The following TPD52L1 variants were observed in gnomAD, a reference collection of about 807,000 sequenced individuals.
TPD52L1 encodes the protein tumor protein D53.
A neutral mutation model predicts 28.7 loss-of-function variants in TPD52L1; 18 were observed. The ratio of observed to expected loss-of-function variants is 0.63; its 90% confidence interval spans 0.43 to 0.93. The LOEUF is 0.93. Among genes scored for constraint, TPD52L1 ranks in the 40% least tolerant of loss-of-function variants. The probability of loss-of-function intolerance (pLI) is 0.00; values close to 1 mark genes in which losing one functional copy is unlikely to be tolerated. For synonymous variants in TPD52L1, 75 were observed against 88.8 expected (o/e 0.84, Z 0.88); for missense variants, 203 against 254.8 (o/e 0.80, Z 1.39).
chr6:125,181,317 A>G (rs1488109111), intron 1 of TPD52L1, among the ~76,000 whole-genome samples: 1 of 152,202 alleles, frequency 6.6e-6, no homozygotes, highest in Non-Finnish European at 1.5e-5. Context: ...AGGAATAACC[A>G]AGAGAACTGA....
At chr6:125,208,029 G>A (rs1441933865) in intron 1 of TPD52L1, among the ~76,000 whole-genome samples, 1 of 152,196 alleles carries the variant, frequency 6.6e-6, no homozygotes, top group Non-Finnish European at 1.5e-5. Context: ...GCTGCTTCGA[G>A]AAAGTTCCTG....
intron 1 of TPD52L1, among the ~76,000 whole-genome samples, chr6:125,206,046 C>T (rs1431306180): frequency 2.0e-5 from 3 of 152,194 alleles, no homozygotes; most frequent in Non-Finnish European, 4.4e-5. Context: ...GCTACAACTT[C>T]AGAAGCATCT....
chr6:125,203,720 T>C lies in TPD52L1; in HGVS notation c.20-16358T>C, dbSNP rs900591149. ...GAGCAGCTCACTCTTTGGTTGAGAA[T>C]CCAGTTGGCTCCCCTGGAGTGAAGT... On this transcript the variant is annotated intron_variant, in intron 1 of 6. Coordinates refer to ENST00000534000, the MANE Select transcript of TPD52L1 (RefSeq NM_003287.4). The C allele has an allele frequency of 4.1e-6, 4 of 985,324 alleles. No homozygotes were observed. The African/African-American group carries it at 7.0e-5, about 17-fold the overall frequency. 61.0% of individuals were successfully genotyped at this position (985,324 alleles called of 1,614,324 possible).
At chr6:125,253,786 T>A (rs1797423388) in intron 5 of TPD52L1, 31 bp downstream of exon 5, 1 of 1,557,888 alleles carries the variant, frequency 6.4e-7, no homozygotes, top group Admixed American at 1.7e-5. Context: ...TATGTAATAT[T>A]AATATGAAAT....
chr6:125,251,934 GGGGACCAC>G, intron 4 of TPD52L1: 1 of 1,412,104 alleles, frequency 7.1e-7, no homozygotes, highest in East Asian at 2.5e-5. Context: ...GCCCTTGAAA[GGGGACCAC>G]CAAGGGCAGT....
chr6:125,190,969 T>C (rs952325796), intron 1 of TPD52L1, among the ~76,000 whole-genome samples: 2 of 152,214 alleles, frequency 1.3e-5, no homozygotes, highest in African/African-American at 4.8e-5. Flanking sequence ...GTACTGAATA[T>C]ATCATTCTCT....
At chr6:125,231,010 A>G (rs1250631057) in intron 3 of TPD52L1, among the ~76,000 whole-genome samples, 3 of 152,250 alleles carry the variant, frequency 2.0e-5, no homozygotes, top group Non-Finnish European at 4.4e-5. Flanking sequence ...ATTAAATTAA[A>G]TGAGCTTATC....
intron 6 of TPD52L1, chr6:125,260,059 A>G (rs559744067): frequency 6.6e-6 from 1 of 152,312 alleles, no homozygotes; most frequent in South Asian, 2.1e-4. Flanking sequence ...GGAAATCAAG[A>G]AACAGGAGAG....
At chr6:125,252,152 T>C in intron 4 of TPD52L1, 1 of 1,176,978 alleles carries the variant, frequency 8.5e-7, no homozygotes. Flanking sequence ...ACACTCTGTT[T>C]TCCAGACAGT....
chr6:125,222,190 T>C (rs1338802735), intron 2 of TPD52L1, among the ~76,000 whole-genome samples: 1 of 152,242 alleles, frequency 6.6e-6, no homozygotes, highest in Non-Finnish European at 1.5e-5. Context: ...TTACCTTCAA[T>C]GCTAGGATTC....
At chr6:125,243,593 C>T (rs1034472450) in intron 3 of TPD52L1, among the ~76,000 whole-genome samples, 3 of 151,968 alleles carry the variant, frequency 2.0e-5, no homozygotes, top group Non-Finnish European at 2.9e-5. Flanking sequence ...ATTGTTGAAA[C>T]TTTCCACTGC....
chr6:125,215,810 T>A (rs1794825080), intron 1 of TPD52L1, among the ~76,000 whole-genome samples: 1 of 152,182 alleles, frequency 6.6e-6, no homozygotes, highest in African/African-American at 2.4e-5. Flanking sequence ...CTTACTAGAA[T>A]ATAGAAGGTA....
chr6:125,245,274 TC>T (rs1796860118), intron 3 of TPD52L1, among the ~76,000 whole-genome samples: 1 of 152,166 alleles, frequency 6.6e-6, no homozygotes, highest in African/African-American at 2.4e-5. Context: ...TATTAGCTGT[TC>T]TTTTCTTCTT....
At chr6:125,237,224 T>C (rs1435127180) in intron 3 of TPD52L1, among the ~76,000 whole-genome samples, 1 of 152,168 alleles carries the variant, frequency 6.6e-6, no homozygotes, top group Non-Finnish European at 1.5e-5. Context: ...CCTGCTCCAA[T>C]TTAATGCTTT....
At chr6:125,221,595 AT>A (rs1795237522) in intron 2 of TPD52L1, among the ~76,000 whole-genome samples, 1 of 152,230 alleles carries the variant, frequency 6.6e-6, no homozygotes, top group Non-Finnish European at 1.5e-5. Context: ...ACATATACTA[AT>A]ACATGCTGAT....
chr6:125,168,438 G>T (rs1197577303), intron 1 of TPD52L1, among the ~76,000 whole-genome samples: 1 of 151,804 alleles, frequency 6.6e-6, no homozygotes, highest in African/African-American at 2.4e-5. Context: ...CCTCAAGGGG[G>T]ATCCTCTCTT....
intron 1 of TPD52L1, among the ~76,000 whole-genome samples, chr6:125,208,524 A>G (rs1879272): frequency 0.24 from 36,498 of 151,762 alleles, 5,366 homozygotes; most frequent in Admixed American, 0.39. Context: ...GTTATCAACT[A>G]ATGCCTTTTT....
chr6:125,198,056 C>A (rs1025761346), intron 1 of TPD52L1, among the ~76,000 whole-genome samples: 1 of 152,182 alleles, frequency 6.6e-6, no homozygotes, highest in Non-Finnish European at 1.5e-5. Flanking sequence ...TAGGATTATA[C>A]CCTGGGCTTC....
intron 2 of TPD52L1, among the ~76,000 whole-genome samples, chr6:125,226,185 A>G (rs767171783): frequency 6.6e-6 from 1 of 152,152 alleles, no homozygotes; most frequent in Non-Finnish European, 1.5e-5. Context: ...GAAAAGTGTG[A>G]GTCTTTATAT....
Sources: gnomAD v4.1 joint callset for allele counts (sites outside exome capture counted in the v4.1 genomes callset) on GRCh38, gnomAD v4.1.1 for gene constraint, MANE v1.5 for transcripts, NCBI Gene and HGNC (gene_info 2026-07-23, HGNC 2026-07-21) for gene names.